LMTK2: variants seen among roughly 807,000 people sequenced by gnomAD.
The protein encoded by LMTK2 is lemur tail kinase 2.
LMTK2 carries 37 observed loss-of-function variants against 127.5 expected under a neutral mutation model. The observed-to-expected ratio is 0.29, with a 90% confidence interval of 0.22 to 0.38. The LOEUF (loss-of-function observed/expected upper bound fraction) is 0.38. LMTK2 is among the 10% of genes least tolerant of loss of function. The pLI, the probability that LMTK2 is intolerant of heterozygous loss-of-function variation, is 1.00. For missense variants in LMTK2, 1,694 were observed against 1,920.3 expected (o/e 0.88, Z 2.20); for synonymous variants, 819 against 810.1 (o/e 1.01, Z -0.19).
At chr7:98,151,058 A>G (rs1478290342) in intron 3 of LMTK2, among the ~76,000 whole-genome samples, 1 of 152,226 alleles carries the variant, frequency 6.6e-6, no homozygotes, top group Non-Finnish European at 1.5e-5. Flanking sequence ...TGCTAATCAT[A>G]TGTCTAGGTG....
At chr7:98,147,578 C>A (rs1796792818) in intron 3 of LMTK2, among the ~76,000 whole-genome samples, 1 of 151,662 alleles carries the variant, frequency 6.6e-6, no homozygotes, top group African/African-American at 2.4e-5. Flanking sequence ...CCTCTGTTTC[C>A]TTTTCTTTCT....
chr7:98,187,445 G>A (rs1400150991), intron 9 of LMTK2, among the ~76,000 whole-genome samples: 1 of 151,586 alleles, frequency 6.6e-6, no homozygotes, highest in Non-Finnish European at 1.5e-5. Context: ...TTATAGCTAT[G>A]TTTTATGTGC....
chr7:98,117,982 C>CA (rs937217416), intron 1 of LMTK2, among the ~76,000 whole-genome samples: 6 of 151,628 alleles, frequency 4.0e-5, no homozygotes, highest in Admixed American at 6.6e-5. Context: ...ACCAAACAAA[C>CA]AAAAAAAACA....
chr7:98,114,779 C>T (rs1796253286), intron 1 of LMTK2, among the ~76,000 whole-genome samples: 1 of 152,172 alleles, frequency 6.6e-6, no homozygotes, highest in Admixed American at 6.5e-5. Context: ...AAATTCCCAT[C>T]TTCTGGCTCT....
At chr7:98,107,447 T>G in intron 1 of LMTK2, among the ~76,000 whole-genome samples, 167 bp downstream of exon 1, 1 of 83,732 alleles carries the variant, frequency 1.2e-5, no homozygotes, top group Non-Finnish European at 2.3e-5. Flanking sequence ...GGCGTGGGAT[T>G]TGGGGGGGCG....
chr7:98,143,484 G>A (rs1267546372), intron 3 of LMTK2, among the ~76,000 whole-genome samples: 3 of 152,104 alleles, frequency 2.0e-5, no homozygotes, highest in South Asian at 2.1e-4. Context: ...AAAGTAACAC[G>A]CTACTAGAAT....
At chr7:98,151,994 A>G (rs947495363) in intron 4 of LMTK2, among the ~76,000 whole-genome samples, 2 of 152,178 alleles carry the variant, frequency 1.3e-5, no homozygotes, top group South Asian at 2.1e-4. Flanking sequence ...AAAAAAAAGT[A>G]TCTGAGACTT....
intron 7 of LMTK2, among the ~76,000 whole-genome samples, chr7:98,172,573 T>C (rs1212104788): frequency 2.0e-5 from 3 of 152,200 alleles, no homozygotes; most frequent in African/African-American, 2.4e-5. Flanking sequence ...GCTTTTGAGC[T>C]GTGCTTTATG....
chr7:98,171,782 C>G lies in LMTK2; in HGVS notation c.791+108C>G. Reference sequence around the variant, plus strand: ...GGAGGACAGGAGGTGGCAGAATGAACCCAGCTCATGTAGGTAGAAGCGATC... The same window carrying G: ...GGAGGACAGGAGGTGGCAGAATGAAGCCAGCTCATGTAGGTAGAAGCGATC... On this transcript the variant is annotated intron_variant, in intron 7 of 13. Coordinates refer to ENST00000297293, the MANE Select transcript of LMTK2 (RefSeq NM_014916.4). This position sits in a 1 kb window ranked among gnomAD's most constrained non-coding sequence, Gnocchi z 5.1. 1 of 1,259,272 alleles carries G rather than the reference C, an allele frequency of 7.9e-7. No homozygotes were observed. The allele number at this position is 1,259,272 out of a possible 1,614,324, so 78.0% of individuals were successfully genotyped here.
At chr7:98,150,403 A>G (rs186520117) in intron 3 of LMTK2, among the ~76,000 whole-genome samples, 1 of 152,310 alleles carries the variant, frequency 6.6e-6, no homozygotes, top group East Asian at 1.9e-4. Flanking sequence ...AAGTGATGGC[A>G]AAGAGACGGA....
At chr7:98,179,555 C>T (rs1797321919) in intron 7 of LMTK2, among the ~76,000 whole-genome samples, 3 of 152,040 alleles carry the variant, frequency 2.0e-5, no homozygotes, top group Non-Finnish European at 4.4e-5. Context: ...ACTTTTCTGT[C>T]CTCATATGGC....
At chr7:98,157,563 G>A (rs1210724021) in intron 5 of LMTK2, among the ~76,000 whole-genome samples, 1 of 150,146 alleles carries the variant, frequency 6.7e-6, no homozygotes, top group East Asian at 2.0e-4. Context: ...GCTAACAATT[G>A]GAAAAACTAA....
chr7:98,190,298 T>A (rs1420844475), intron 9 of LMTK2, among the ~76,000 whole-genome samples: 10 of 152,226 alleles, frequency 6.6e-5, no homozygotes. Context: ...AAGAACAATC[T>A]TGGCTGGTTG....
chr7:98,171,762 A>T lies in LMTK2; in HGVS notation c.791+88A>T. ...GCCGAGTTTGTGAAACTTAAGGAGG[A>T]CAGGAGGTGGCAGAATGAACCCAGC... On this transcript the variant is annotated intron_variant, in intron 7 of 13. Transcript: ENST00000297293. The surrounding 1 kb of genome is among the most constrained non-coding windows in gnomAD (Gnocchi z 5.1). 1 of 1,402,650 alleles carries T rather than the reference A, an allele frequency of 7.1e-7. No homozygotes were observed. The highest frequency in any genetic ancestry group is 1.5e-5 in the South Asian group (1 of 68,590). The allele number at this position is 1,402,650 out of a possible 1,614,324, so 86.9% of individuals were successfully genotyped here.
At chr7:98,147,163 C>T (rs1043622312) in intron 3 of LMTK2, among the ~76,000 whole-genome samples, 20 of 151,384 alleles carry the variant, frequency 1.3e-4, no homozygotes, top group Non-Finnish European at 7.4e-5. Context: ...TTGCTGCATT[C>T]GGGATTCTGT....
intron 6 of LMTK2, 28 bp downstream of exon 6, chr7:98,159,453 G>T (rs757492689): frequency 2.1e-6 from 3 of 1,406,180 alleles, no homozygotes; most frequent in East Asian, 2.3e-5. Flanking sequence ...ATTCAAGTTC[G>T]AGTATTCCAG....
At chr7:98,124,152 G>T (rs1455073168) in intron 1 of LMTK2, among the ~76,000 whole-genome samples, 3 of 152,112 alleles carry the variant, frequency 2.0e-5, no homozygotes, top group Non-Finnish European at 4.4e-5. Flanking sequence ...TCAGAGCAGG[G>T]AGTTAATAAA....
chr7:98,176,047 CACAAAT>C (rs1797272105), intron 7 of LMTK2, among the ~76,000 whole-genome samples: 1 of 152,174 alleles, frequency 6.6e-6, no homozygotes, highest in Admixed American at 6.5e-5. Flanking sequence ...TGAACATAGA[CACAAAT>C]ACTAGCAAAC....
At chr7:98,117,911 G>A (rs1283102365) in intron 1 of LMTK2, among the ~76,000 whole-genome samples, 1 of 152,186 alleles carries the variant, frequency 6.6e-6, no homozygotes, top group Non-Finnish European at 1.5e-5. Flanking sequence ...AAGTTGCAAT[G>A]AGCCGAGATC....
Sources: gnomAD v4.1 joint callset for allele counts (sites outside exome capture counted in the v4.1 genomes callset) on GRCh38, gnomAD v4.1.1 for gene constraint, Gnocchi (gnomAD v3.1) non-coding constraint, MANE v1.5 for transcripts, NCBI Gene and HGNC (gene_info 2026-07-23, HGNC 2026-07-21) for gene names.